KIAA0319: variants seen among roughly 807,000 people sequenced by gnomAD.
KIAA0319 encodes KIAA0319.
In KIAA0319, 83 loss-of-function variants were observed where a neutral mutation model predicts 108.4. The observed-to-expected ratio is 0.77, with a 90% CI of 0.64 to 0.92. The LOEUF (loss-of-function observed/expected upper bound fraction) is 0.92. Among genes scored for constraint, KIAA0319 ranks in the 40% least tolerant of loss-of-function variants. The pLI is 0.00. For synonymous variants in KIAA0319, 484 were observed against 510.4 expected, an observed-to-expected ratio of 0.95 and a Z score of 0.70; for missense variants, 1,195 against 1,322.4, an observed-to-expected ratio of 0.90 and a Z score of 1.49.
intron 3 of KIAA0319, 32 bp from the exon 4 acceptor site, chr6:24,588,817 T>C: frequency 1.3e-6 from 2 of 1,562,112 alleles, no homozygotes; most frequent in Non-Finnish European, 8.7e-7. Context: ...TAAATTGTTA[T>C]TAAAAAAAAA....
At chr6:24,578,269 A>T (rs1230845541) in intron 8 of KIAA0319, 27 bp from the exon 9 acceptor site, 2 of 1,507,372 alleles carry the variant, frequency 1.3e-6, no homozygotes, top group Non-Finnish European at 1.8e-6. Context: ...TAAAGACAAG[A>T]ATGAAATACA....
intron 1 of KIAA0319, among the ~76,000 whole-genome samples, chr6:24,602,178 G>A (rs925089067): frequency 6.6e-6 from 1 of 152,144 alleles, no homozygotes; most frequent in South Asian, 2.1e-4. Flanking sequence ...TACCACACCC[G>A]GCTAATTTTT....
rs778976850 is a variant in KIAA0319 at position 24,566,626 on chromosome 6, T to C, written c.2263A>G (p.Ile755Val). 6.2e-7 allele frequency: 1 copy of C among 1,612,364 alleles called. No individual in the cohort carries two copies. The highest frequency in any genetic ancestry group is 8.5e-7 in the Non-Finnish European group (1 of 1,179,408). ...GCTGCTGGACTCTGGCCATCCCGGA[T>C]CCACAGATAGGACACAATTCTTTGG... ...DDQRIVSYLW[I>V]RDGQSPAAGD... is the part of the protein sequence containing the mutation. The change falls in exon 14 of 21, where the codon ATC becomes GTC. Residue 755 changes from isoleucine (I) to valine (V), a missense_variant. By Grantham distance (29) the Ile-to-Val change is conservative (BLOSUM62 3). Coordinates refer to ENST00000378214, the MANE Select transcript of KIAA0319 (RefSeq NM_014809.4).
At chr6:24,580,056 A>C in intron 7 of KIAA0319, 106 bp from the exon 8 acceptor site, 1 of 853,066 alleles carries the variant, frequency 1.2e-6, no homozygotes, top group Non-Finnish European at 1.8e-6. Context: ...TGTCCTGTCA[A>C]GAAGGTGTTT....
chr6:24,601,057 G>A lies in KIAA0319; in HGVS notation c.47C>T (p.Thr16Ile). ...GGGTAGTAGTTCCCTACCTGCAATTGTCACCAGCAGCAGCAATGAAGAGAG... is the reference window on the plus strand; with the variant it reads ...GGGTAGTAGTTCCCTACCTGCAATTATCACCAGCAGCAGCAATGAAGAGAG... ...GVLSSLLLLV[T>I]IAGCARKQCS... The change falls in exon 2 of 21, where the codon ACA (threonine) becomes ATA (isoleucine). Residue 16 changes from threonine (T) to isoleucine (I), a missense_variant. By Grantham distance (89) the Thr-to-Ile change is moderately conservative (BLOSUM62 -1). Transcript: ENST00000378214. 1 of 1,614,014 alleles carries A rather than the reference G, an allele frequency of 6.2e-7. No homozygotes were observed. Among genetic ancestry groups the A allele is most frequent in the Non-Finnish European group, 8.5e-7 (1 of 1,179,998 alleles).
intron 1 of KIAA0319, among the ~76,000 whole-genome samples, chr6:24,618,960 A>T (rs970134339): frequency 1.3e-5 from 2 of 152,208 alleles, no homozygotes; most frequent in African/African-American, 4.8e-5. Flanking sequence ...ACATTTGAGC[A>T]AAGACTTAGG....
At chr6:24,639,009 T>G (rs980600349) in intron 1 of KIAA0319, among the ~76,000 whole-genome samples, 1 of 152,190 alleles carries the variant, frequency 6.6e-6, no homozygotes, top group African/African-American at 2.4e-5. Flanking sequence ...CATTTCACAA[T>G]GTACACAAAT....
At chr6:24,595,820 G>A (rs1769448561) in intron 3 of KIAA0319, 53 bp downstream of exon 3, 8 of 1,534,372 alleles carry the variant, frequency 5.2e-6, no homozygotes, top group South Asian at 2.6e-5. Context: ...CCCCTCCTAC[G>A]GTCTGCCCCA....
intron 2 of KIAA0319, among the ~76,000 whole-genome samples, chr6:24,597,230 A>G (rs1769790319): frequency 6.6e-6 from 1 of 152,230 alleles, no homozygotes; most frequent in Admixed American, 6.5e-5. Context: ...TTACTTTACA[A>G]AATAGCATCA....
rs774205815 is a variant in KIAA0319 at position 24,579,881 on chromosome 6, G to A, written c.1349C>T (p.Thr450Met). 14 of 1,604,416 alleles carry A rather than the reference G, an allele frequency of 8.7e-6. No individual in the cohort carries two copies. Among genetic ancestry groups the A allele is most frequent in the East Asian group, 2.2e-5 (1 of 44,710 alleles). Residue 450 changes from threonine to methionine, a missense_variant, in exon 8 of 21, where the codon ACG becomes ATG. Coordinates refer to ENST00000378214, the MANE Select transcript of KIAA0319 (RefSeq NM_014809.4). The stretch of plus-strand genomic sequence containing the variant: ...ACGGCTGCCATCAATGAGGGCTGAC[G>A]TCAAAGGCAAAGTGAGCTCTTGCAG... ...PQLQELTLPLTSALIDGSQST... is the reference protein window; with the variant it reads ...PQLQELTLPLMSALIDGSQST...
At chr6:24,557,873 G>A (rs965858368) in intron 17 of KIAA0319, among the ~76,000 whole-genome samples, 1 of 151,864 alleles carries the variant, frequency 6.6e-6, no homozygotes, top group African/African-American at 2.4e-5. Flanking sequence ...TGGGATTACA[G>A]GCATGTGCTA....
intron 14 of KIAA0319, among the ~76,000 whole-genome samples, chr6:24,566,289 T>C (rs573820394): frequency 6.6e-6 from 1 of 152,246 alleles, no homozygotes; most frequent in Admixed American, 6.5e-5. Context: ...CCTGATCCAA[T>C]AGGATTTACT....
At chr6:24,583,123 C>G in intron 5 of KIAA0319, 1 of 986,258 alleles carries the variant, frequency 1.0e-6, no homozygotes, top group South Asian at 4.7e-5. Flanking sequence ...AATGGTAGAG[C>G]ACTGGACAAG....
At chr6:24,563,673 G>A (rs556563572) in intron 15 of KIAA0319, among the ~76,000 whole-genome samples, 155 bp from the exon 16 acceptor site, 1 of 152,316 alleles carries the variant, frequency 6.6e-6, no homozygotes, top group Non-Finnish European at 1.5e-5. Context: ...CACCGCAAAG[G>A]CCACTATCTG....
intron 1 of KIAA0319, among the ~76,000 whole-genome samples, chr6:24,612,999 C>T (rs1772585033): frequency 6.6e-6 from 1 of 152,180 alleles, no homozygotes; most frequent in Admixed American, 6.6e-5. Flanking sequence ...CGGGGTTTCA[C>T]CACGTTAGCC....
chr6:24,580,202 G>A (rs755693644), intron 7 of KIAA0319, among the ~76,000 whole-genome samples: 105 of 152,154 alleles, frequency 6.9e-4, no homozygotes, highest in Non-Finnish European at 1.3e-3. Context: ...TAACCAAGGG[G>A]CTCATCACAG....
At chr6:24,638,556 C>T (rs775357539) in intron 1 of KIAA0319, among the ~76,000 whole-genome samples, 19 of 151,964 alleles carry the variant, frequency 1.3e-4, no homozygotes, top group Non-Finnish European at 2.4e-4. Flanking sequence ...GTCAGGAGAT[C>T]GAGACCATCC....
At chr6:24,611,359 C>T (rs552328371) in intron 1 of KIAA0319, among the ~76,000 whole-genome samples, 76 of 152,142 alleles carry the variant, frequency 5.0e-4, no homozygotes, top group Middle Eastern at 3.4e-3. Flanking sequence ...ATTAGACAGG[C>T]ATAGTGGCGG....
At chr6:24,558,989 T>C (rs1272974050) in intron 17 of KIAA0319, 24 bp downstream of exon 17, 30 of 1,594,592 alleles carry the variant, frequency 1.9e-5, no homozygotes, top group African/African-American at 1.7e-4. Flanking sequence ...CTGATTGTTT[T>C]AGAATATTCC....
Sources: gnomAD v4.1 joint callset for allele counts (sites outside exome capture counted in the v4.1 genomes callset) on GRCh38, gnomAD v4.1.1 for gene constraint, MANE v1.5 for transcripts, NCBI Gene and HGNC (gene_info 2026-07-23, HGNC 2026-07-21) for gene names.